The following CAMKMT variants were observed in gnomAD, a reference collection of about 807,000 sequenced individuals.
The protein encoded by CAMKMT is CaM KMT.
In CAMKMT, 53 loss-of-function variants were observed where a neutral mutation model predicts 48.0. That is an observed-to-expected ratio of 1.10 (90% confidence interval 0.89 to 1.39). The LOEUF is 1.39. Ranked by LOEUF, CAMKMT falls within the 40% of genes most tolerant of loss-of-function variation. The probability of loss-of-function intolerance (pLI) is 0.00; values close to 1 mark genes in which losing one functional copy is unlikely to be tolerated. For missense variants in CAMKMT, 428 were observed against 402.7 expected (o/e 1.06, Z -0.54); for synonymous variants, 165 against 152.3 (o/e 1.08, Z -0.61).
intron 3 of CAMKMT, among the ~76,000 whole-genome samples, chr2:44,436,185 C>T (rs1413788032): frequency 2.0e-5 from 3 of 152,242 alleles, no homozygotes; most frequent in Admixed American, 6.5e-5. Flanking sequence ...AAGCGATTCT[C>T]GTGCCTCAGC....
intron 3 of CAMKMT, among the ~76,000 whole-genome samples, chr2:44,406,077 G>A (rs983681371): frequency 2.0e-5 from 3 of 152,136 alleles, no homozygotes; most frequent in Admixed American, 6.5e-5. Context: ...TTGGTTGTGA[G>A]CAACAGAAAC....
chr2:44,515,832 G>C lies in CAMKMT; in HGVS notation c.376+125527G>C, dbSNP rs115911117. Among the ~76,000 whole-genome samples the C allele has an allele frequency of 1.5e-3, 234 of 152,234 alleles. 1 individual carries two copies. The highest frequency in any genetic ancestry group is 5.5e-3 in the African/African-American group (229 of 41,538). ...GCAGAAAGTAAAGATGCCAGCTTTA[G>C]TCTGTGGCTACTTAGTTTTTAGGCC... On this transcript the variant is annotated intron_variant, in intron 3 of 10. Transcript: ENST00000378494.
chr2:44,443,544 T>C (rs1666797096), intron 3 of CAMKMT, among the ~76,000 whole-genome samples: 1 of 152,216 alleles, frequency 6.6e-6, no homozygotes, highest in Non-Finnish European at 1.5e-5. Context: ...ACATTTAAGC[T>C]GCTCAGTATT....
At chr2:44,504,258 TC>T (rs1307814351) in intron 3 of CAMKMT, among the ~76,000 whole-genome samples, 2 of 152,084 alleles carry the variant, frequency 1.3e-5, no homozygotes, top group African/African-American at 2.4e-5. Context: ...TTCCCTATCT[TC>T]CCCCAGAATC....
intron 3 of CAMKMT, among the ~76,000 whole-genome samples, chr2:44,536,327 CTT>C (rs869299336): frequency 9.9e-5 from 14 of 142,126 alleles, no homozygotes; most frequent in Non-Finnish European, 9.3e-5. Context: ...AAAATACCAA[CTT>C]TTTTTTTTTT....
At chr2:44,480,838 T>C (rs1409921638) in intron 3 of CAMKMT, among the ~76,000 whole-genome samples, 1 of 152,102 alleles carries the variant, frequency 6.6e-6, no homozygotes, top group African/African-American at 2.4e-5. Flanking sequence ...ATGAATACAT[T>C]ATTTCAAATT....
At chr2:44,697,436 G>C (rs1677017259) in intron 3 of CAMKMT, among the ~76,000 whole-genome samples, 1 of 152,054 alleles carries the variant, frequency 6.6e-6, no homozygotes, top group African/African-American at 2.4e-5. Flanking sequence ...GATACCAGGA[G>C]AGATTTCCTC....
At chr2:44,730,005 C>T (rs372730450) in intron 7 of CAMKMT, among the ~76,000 whole-genome samples, 4 of 152,252 alleles carry the variant, frequency 2.6e-5, no homozygotes, top group African/African-American at 9.6e-5. Context: ...TGGCTTTATC[C>T]AGCACACAGA....
intron 3 of CAMKMT, among the ~76,000 whole-genome samples, chr2:44,410,767 A>G (rs906723130): frequency 1.3e-5 from 2 of 152,234 alleles, no homozygotes; most frequent in Non-Finnish European, 2.9e-5. Flanking sequence ...ATTGTCTGAT[A>G]CTAATGGGAT....
chr2:44,417,905 G>T (rs1683669709), intron 3 of CAMKMT, among the ~76,000 whole-genome samples: 1 of 152,054 alleles, frequency 6.6e-6, no homozygotes, highest in Non-Finnish European at 1.5e-5. Flanking sequence ...GTCTTAATGA[G>T]TTGTAGGCCG....
At chr2:44,592,099 A>G (rs994815215) in intron 3 of CAMKMT, among the ~76,000 whole-genome samples, 17 of 151,990 alleles carry the variant, frequency 1.1e-4, no homozygotes, top group Admixed American at 6.6e-4. Context: ...GCATTAGGAG[A>G]TACACCTAAT....
chr2:44,374,599 G>C (rs890843453), intron 2 of CAMKMT, among the ~76,000 whole-genome samples: 31 of 152,196 alleles, frequency 2.0e-4, no homozygotes, highest in African/African-American at 6.3e-4. Flanking sequence ...CTCTTCTTGA[G>C]ATCTTTCAAA....
chr2:44,543,005 G>A (rs911776341), intron 3 of CAMKMT, among the ~76,000 whole-genome samples: 6 of 152,110 alleles, frequency 3.9e-5, no homozygotes, highest in South Asian at 2.1e-4. Flanking sequence ...ATAGAGAACC[G>A]AGTTTAAGTA....
chr2:44,521,962 A>G (rs1352359754), intron 3 of CAMKMT, among the ~76,000 whole-genome samples: 3 of 152,114 alleles, frequency 2.0e-5, no homozygotes, highest in African/African-American at 7.2e-5. Flanking sequence ...AGTATTATTA[A>G]GTACATTCAC....
chr2:44,480,711 T>G (rs1668922925), intron 3 of CAMKMT, among the ~76,000 whole-genome samples: 3 of 152,180 alleles, frequency 2.0e-5, no homozygotes, highest in Non-Finnish European at 1.5e-5. Flanking sequence ...TAACGTATTT[T>G]GAAGGGAATA....
At chr2:44,695,166 AT>A (rs1464877650) in intron 3 of CAMKMT, among the ~76,000 whole-genome samples, 2 of 152,148 alleles carry the variant, frequency 1.3e-5, no homozygotes, top group African/African-American at 2.4e-5. Context: ...ATTATAATCT[AT>A]TTTTTTAAAC....
At chr2:44,596,487 G>A (rs10180044) in intron 3 of CAMKMT, among the ~76,000 whole-genome samples, 2 of 151,856 alleles carry the variant, frequency 1.3e-5, no homozygotes, top group African/African-American at 4.8e-5. Flanking sequence ...GAAAGAAAAA[G>A]ACAAATTCTT....
intron 3 of CAMKMT, among the ~76,000 whole-genome samples, chr2:44,527,747 A>C (rs1219265815): frequency 2.7e-5 from 4 of 150,816 alleles, no homozygotes; most frequent in Non-Finnish European, 5.9e-5. Flanking sequence ...CACAAAGTAC[A>C]GAGCATCCTC....
At chr2:44,469,877 T>A (rs1295225165) in intron 3 of CAMKMT, among the ~76,000 whole-genome samples, 1 of 151,796 alleles carries the variant, frequency 6.6e-6, no homozygotes, top group Non-Finnish European at 1.5e-5. Context: ...TTGAAAAAAA[T>A]TTCTTTCATT....
Sources: allele counts gnomAD v4.1 joint callset (sites outside exome capture counted in the v4.1 genomes callset), GRCh38; gene constraint gnomAD v4.1.1; transcripts MANE v1.5; gene names NCBI Gene and HGNC (gene_info 2026-07-23, HGNC 2026-07-21).